ANP32E: variants seen among roughly 807,000 people sequenced by gnomAD.
ANP32E encodes acidic leucine-rich nuclear phosphoprotein 32 family member E.
Under a neutral mutation model 35.3 loss-of-function variants are expected in ANP32E, and 14 were observed. That is an observed-to-expected ratio of 0.40 (90% CI 0.26 to 0.62). ANP32E has a LOEUF of 0.62. Ranked by LOEUF, ANP32E falls within the 20% of genes least tolerant of loss-of-function variation. The probability of loss-of-function intolerance (pLI) is 0.45; values close to 1 mark genes in which losing one functional copy is unlikely to be tolerated. For missense variants in ANP32E, 198 were observed against 304.4 expected (o/e 0.65, Z 2.60); for synonymous variants, 89 against 110.4 (o/e 0.81, Z 1.22).
At chr1:150,230,994 C>T (rs1439093611) in intron 2 of ANP32E, among the ~76,000 whole-genome samples, 2 of 152,142 alleles carry the variant, frequency 1.3e-5, no homozygotes, top group Admixed American at 1.3e-4. Flanking sequence ...CCACCCGCCT[C>T]GGCCTCCCAA....
At position 150,236,013 on chromosome 1, in the gene ANP32E, AGCGCGCGCACACACACGCACGCAC is replaced by A. The variant is rs1649752308; in HGVS notation, c.-251_-228del. The A allele has an allele frequency of 5.4e-6, 3 of 559,224 alleles. No homozygotes were observed. Among genetic ancestry groups the A allele is most frequent in the Admixed American group, 3.1e-5 (1 of 32,086 alleles). 34.6% of individuals were successfully genotyped at this position (559,224 alleles called of 1,614,324 possible). A position where few individuals can be genotyped will look rare whatever the true frequency, so the allele number is the denominator to read the frequency against. ...GCCCCCACCTCCTTGTCCACACACT[AGCGCGCGCACACACACGCACGCAC>A]GCGCGCACACACATACACACACACA... On this transcript the variant is annotated 5_prime_UTR_variant, in exon 1 of 7. Transcript: ENST00000583931.
intron 3 of ANP32E, among the ~76,000 whole-genome samples, chr1:150,230,320 T>TA (rs138982897): frequency 0.089 from 13,517 of 151,156 alleles, 832 homozygotes; most frequent in Non-Finnish European, 0.13. Context: ...GAAAGAAGGT[T>TA]AAAAAAAAAT....
intron 5 of ANP32E, among the ~76,000 whole-genome samples, chr1:150,225,722 G>A (rs181081858): frequency 7.0e-6 from 1 of 143,828 alleles, no homozygotes; most frequent in East Asian, 2.0e-4. Context: ...GAAATGAAAG[G>A]CCTTGTATGT....
rs1015558312 is a variant in ANP32E at position 150,235,852 on chromosome 1, C to A, written c.-66G>T. On this transcript the variant is annotated 5_prime_UTR_variant, in exon 1 of 7. Coordinates refer to ENST00000583931, the MANE Select transcript of ANP32E (RefSeq NM_030920.5). The surrounding 1 kb of genome is among the most constrained non-coding windows in gnomAD (Gnocchi z 4.2). Reference sequence around the variant, plus strand: ...TTCCTGCCTTCCCCAATACCCCCAACCCAAAATTTTTAAGAGATTTAGAAA... The same window carrying A: ...TTCCTGCCTTCCCCAATACCCCCAAACCAAAATTTTTAAGAGATTTAGAAA... 11 of 1,224,676 alleles carry A rather than the reference C, an allele frequency of 9.0e-6. No individual in the cohort carries two copies. The Middle Eastern group carries it at 7.5e-4, about 83-fold the overall frequency. The allele number at this position is 1,224,676 out of a possible 1,614,324, so 75.9% of individuals were successfully genotyped here.
intron 5 of ANP32E, among the ~76,000 whole-genome samples, chr1:150,225,273 A>T (rs1363630018): frequency 1.3e-5 from 2 of 152,208 alleles, no homozygotes; most frequent in Non-Finnish European, 2.9e-5. Context: ...AGTTCATCAG[A>T]GGCTCATTTC....
At chr1:150,228,962 CTTG>C (rs1197837906) in intron 4 of ANP32E, 107 bp downstream of exon 4, 6 of 920,086 alleles carry the variant, frequency 6.5e-6, no homozygotes, top group South Asian at 6.2e-5. Flanking sequence ...TTACTAATAT[CTTG>C]TTGTGGATTT....
In ANP32E at chr1:150,220,035, C is replaced by T. The variant is rs782764551; in HGVS notation, c.*656G>A. The T allele has an allele frequency of 6.6e-6, 1 of 152,102 alleles. No homozygotes were observed. The highest frequency in any genetic ancestry group is 1.5e-5 in the Non-Finnish European group (1 of 68,020). 9.4% of individuals were successfully genotyped at this position (152,102 alleles called of 1,614,324 possible). A position where few individuals can be genotyped will look rare whatever the true frequency, so the allele number is the denominator to read the frequency against. On this transcript the variant is annotated 3_prime_UTR_variant, in exon 7 of 7. Coordinates refer to ENST00000583931, the MANE Select transcript of ANP32E (RefSeq NM_030920.5). The stretch of plus-strand genomic sequence containing the variant: ...TGCATGTCTCTGGACTTAGTATAAG[C>T]AATTTTTCCTTCAAAAATAAAATCT...
chr1:150,223,791 G>A (rs1159496086), intron 5 of ANP32E, among the ~76,000 whole-genome samples: 1 of 149,840 alleles, frequency 6.7e-6, no homozygotes, highest in Non-Finnish European at 1.5e-5. Context: ...TGTTGCCCAG[G>A]CTGAAGTGCA....
intron 6 of ANP32E, among the ~76,000 whole-genome samples, chr1:150,222,244 C>T (rs758237820): frequency 4.6e-5 from 7 of 151,466 alleles, no homozygotes; most frequent in Non-Finnish European, 8.9e-5. Context: ...CACGGTGAAA[C>T]CCCGTCTCTA....
rs113755771 is a variant in ANP32E, at chr1:150,225,532, G to A, written c.681+1076C>T. ...AAAAAAATACAAAAATTAACCAGGC[G>A]TGGTGGAGTGTGCCTGTAGTCCCAG... On this transcript the variant is annotated intron_variant, in intron 5 of 6. Transcript: ENST00000583931. Among the ~76,000 whole-genome samples the A allele has an allele frequency of 9.7e-3, 1,474 of 151,890 alleles. 23 individuals carry two copies. Among genetic ancestry groups the A allele is most frequent in the African/African-American group, 0.034 (1,392 of 41,414 alleles).
intron 5 of ANP32E, among the ~76,000 whole-genome samples, chr1:150,224,398 C>A (rs948662756): frequency 2.1e-4 from 32 of 152,080 alleles, no homozygotes; most frequent in African/African-American, 7.5e-4. Flanking sequence ...CACAGTGAAA[C>A]CCTGTCTCTA....
chr1:150,223,587 A>G (rs1447445206), intron 5 of ANP32E, among the ~76,000 whole-genome samples: 2 of 146,912 alleles, frequency 1.4e-5, no homozygotes, highest in African/African-American at 5.0e-5. Flanking sequence ...AGGCTGACGC[A>G]GGAGAATCGC....
At chr1:150,223,125 A>C in intron 6 of ANP32E, 61 bp downstream of exon 6, 1 of 1,437,506 alleles carries the variant, frequency 7.0e-7, no homozygotes, top group Non-Finnish European at 9.4e-7. Context: ...ACAAATAAAT[A>C]AAGTATAAAA....
chr1:150,231,933 G>C lies in ANP32E; in HGVS notation c.55-7C>G. 6.2e-7 allele frequency: 1 copy of C among 1,608,502 alleles called. No individual in the cohort carries two copies. Among genetic ancestry groups the C allele is most frequent in the Non-Finnish European group, 8.5e-7 (1 of 1,178,526 alleles). On this transcript the variant is annotated splice_polypyrimidine_tract_variant and splice_region_variant and intron_variant, in intron 1 of 6. Coordinates refer to ENST00000583931, the MANE Select transcript of ANP32E (RefSeq NM_030920.5). ...CAAGGACTAACTCTGTCACCTGTAAGAGGGAAAACATTAATTAATGATTCT... is the reference window on the plus strand; with the variant it reads ...CAAGGACTAACTCTGTCACCTGTAACAGGGAAAACATTAATTAATGATTCT...
chr1:150,223,794 G>A (rs1404575283), intron 5 of ANP32E, among the ~76,000 whole-genome samples: 1 of 146,130 alleles, frequency 6.8e-6, no homozygotes, highest in Non-Finnish European at 1.5e-5. Context: ...TGCCCAGGCT[G>A]AAGTGCAATG....
At chr1:150,230,758 T>TTTGAAA in intron 2 of ANP32E, 65 bp from the exon 3 acceptor site, 8 of 1,519,638 alleles carry the variant, frequency 5.3e-6, no homozygotes, top group South Asian at 1.2e-5. Flanking sequence ...TTTTTTTTTT[T>TTTGAAA]TGAAATGTAG....
At chr1:150,233,521 A>G (rs1184888571) in intron 1 of ANP32E, among the ~76,000 whole-genome samples, 1 of 152,154 alleles carries the variant, frequency 6.6e-6, no homozygotes, top group African/African-American at 2.4e-5. Flanking sequence ...ACTCTGGTAT[A>G]ATAGCATTTC....
chr1:150,222,121 A>G (rs999386884), intron 6 of ANP32E, among the ~76,000 whole-genome samples: 1 of 151,622 alleles, frequency 6.6e-6, no homozygotes, highest in Non-Finnish European at 1.5e-5. Flanking sequence ...ATAAAATAAA[A>G]TAAAATAAAA....
intron 1 of ANP32E, among the ~76,000 whole-genome samples, chr1:150,233,625 C>T (rs927350028): frequency 2.1e-4 from 32 of 152,260 alleles, no homozygotes; most frequent in African/African-American, 7.5e-4. Flanking sequence ...CCTGAATGGA[C>T]TTAATCTTTA....
Sources: gnomAD v4.1 joint callset for allele counts (sites outside exome capture counted in the v4.1 genomes callset) on GRCh38, gnomAD v4.1.1 for gene constraint, Gnocchi (gnomAD v3.1) non-coding constraint, MANE v1.5 for transcripts, NCBI Gene and HGNC (gene_info 2026-07-23, HGNC 2026-07-21) for gene names.